The following FNBP4 variants were observed in gnomAD, a reference collection of about 807,000 sequenced individuals.
The protein encoded by FNBP4 is formin binding protein 4.
In FNBP4, 34 loss-of-function variants were observed where a neutral mutation model predicts 119.3. The ratio of observed to expected loss-of-function variants is 0.28; its 90% CI spans 0.22 to 0.38. The LOEUF is 0.38. Among genes scored for constraint, FNBP4 ranks in the 10% least tolerant of loss-of-function variants. The probability of loss-of-function intolerance (pLI) is 1.00; values close to 1 mark genes in which losing one functional copy is unlikely to be tolerated. For missense variants in FNBP4, 1,112 were observed against 1,228.9 expected (o/e 0.90, Z 1.42); for synonymous variants, 462 against 430.6 (o/e 1.07, Z -0.90).
At chr11:47,721,244 T>C (rs1020787919) in intron 15 of FNBP4, among the ~76,000 whole-genome samples, 6 of 150,372 alleles carry the variant, frequency 4.0e-5, no homozygotes, top group African/African-American at 1.5e-4. Context: ...AGAGCAAGAC[T>C]CCATCTCAAA....
At chr11:47,746,516 C>A (rs570126134) in intron 6 of FNBP4, 122 bp from the exon 7 acceptor site, 19 of 928,612 alleles carry the variant, frequency 2.0e-5, no homozygotes, top group Non-Finnish European at 2.3e-5. Flanking sequence ...AAGGTAAAAA[C>A]GACTTTTTTT....
chr11:47,750,801 T>C, intron 6 of FNBP4, 115 bp downstream of exon 6: 1 of 1,098,118 alleles, frequency 9.1e-7, no homozygotes, highest in Admixed American at 2.3e-5. Context: ...GTTATGAAAC[T>C]TATCCTATTT....
rs12284196 is a variant in FNBP4 at position 47,748,623 on chromosome 11, C to T, written c.907-2229G>A. ...CTCCTGCACTCAAGCCATCTTCCTG[C>T]CCTGATTAAATTATTATTTTATTAT... On this transcript the variant is annotated intron_variant, in intron 6 of 16. Transcript: ENST00000263773. Among the ~76,000 whole-genome samples the T allele has an allele frequency of 6.8e-3, 1,039 of 151,774 alleles. 15 individuals are homozygous for T. Among genetic ancestry groups the T allele is most frequent in the African/African-American group, 0.023 (961 of 41,412 alleles).
chr11:47,734,285 T>C, intron 9 of FNBP4, 156 bp from the exon 10 acceptor site: 1 of 471,056 alleles, frequency 2.1e-6, no homozygotes, highest in Non-Finnish European at 3.7e-6. Context: ...GAATATAAAA[T>C]TCTAATTTAT....
Position 47,732,463 on chromosome 11 carries a change from G to A in FNBP4, c.1820+74C>T, listed in dbSNP as rs775016210. 120 of 1,597,924 alleles carry A rather than the reference G, an allele frequency of 7.5e-5. No homozygotes were observed. The highest frequency in any genetic ancestry group is 9.9e-5 in the Non-Finnish European group (116 of 1,169,462). Reference sequence around the variant, plus strand: ...CAGTCTCCAGACAGGCTGTCATGTCGTCAGATGGTGGTGATCACAAATCAT... The same window carrying A: ...CAGTCTCCAGACAGGCTGTCATGTCATCAGATGGTGGTGATCACAAATCAT... On this transcript the variant is annotated intron_variant, in intron 11 of 16. Transcript: ENST00000263773. This position sits in a 1 kb window ranked among gnomAD's most constrained non-coding sequence, Gnocchi z 4.2.
chr11:47,749,785 A>C (rs1468603140), intron 6 of FNBP4, among the ~76,000 whole-genome samples: 5 of 152,212 alleles, frequency 3.3e-5, no homozygotes, highest in Non-Finnish European at 7.3e-5. Flanking sequence ...TCACTGGAGC[A>C]TCTCAGATTT....
Position 47,723,248 on chromosome 11 carries a change from G to C in FNBP4, c.2533C>G (p.Pro845Ala). 1 of 1,614,142 alleles carries C rather than the reference G, an allele frequency of 6.2e-7. No individual in the cohort carries two copies. Among genetic ancestry groups the C allele is most frequent in the South Asian group, 1.1e-5 (1 of 91,076 alleles). The change falls in exon 15 of 17, where the codon CCA (proline) becomes GCA (alanine). Residue 845 changes from proline to alanine, a missense_variant. Around this residue, in one of 2 missense-constraint regions of FNBP4, gnomAD observed 826 missense variants for 988.8 expected, o/e 0.84. Transcript: ENST00000263773. The stretch of plus-strand genomic sequence containing the variant: ...GCCTGATGACCCATTCCTGCTGCTG[G>C]AAGGCTAACTGGTATTGTCTGATGT... ...IGHQTIPVSL[P>A]AAGMGHQARG... is the part of the protein sequence containing the mutation.
intron 1 of FNBP4, among the ~76,000 whole-genome samples, chr11:47,766,094 G>A (rs1158472272): frequency 6.6e-6 from 1 of 151,980 alleles, no homozygotes; most frequent in Non-Finnish European, 1.5e-5. Flanking sequence ...CGCCTGTAAT[G>A]ATCGCTTGAG....
intron 11 of FNBP4, chr11:47,731,912 A>T (rs1314131110): frequency 3.0e-6 from 3 of 1,012,414 alleles, no homozygotes; most frequent in African/African-American, 1.7e-5. Context: ...TTTCCCTTCC[A>T]AAGAAGAGAA....
At chr11:47,734,208 T>A in intron 9 of FNBP4, 79 bp from the exon 10 acceptor site, 4 of 738,970 alleles carry the variant, frequency 5.4e-6, no homozygotes, top group Non-Finnish European at 8.4e-6. Context: ...CATTTATTCT[T>A]ATAGATATTA....
intron 2 of FNBP4, among the ~76,000 whole-genome samples, chr11:47,763,862 TCTTA>T (rs2097641310): frequency 6.6e-6 from 1 of 152,150 alleles, no homozygotes; most frequent in African/African-American, 2.4e-5. Flanking sequence ...ACCTCAACAT[TCTTA>T]CTTACCTTTG....
intron 15 of FNBP4, among the ~76,000 whole-genome samples, chr11:47,721,628 C>T (rs1349282277): frequency 6.6e-6 from 1 of 151,810 alleles, no homozygotes; most frequent in Admixed American, 6.6e-5. Flanking sequence ...ATCAATGATA[C>T]AGTTAGTTCT....
rs751361052 is a variant in FNBP4 at position 47,723,049 on chromosome 11, G to C, written c.2732C>G (p.Pro911Arg). 1 of 1,587,828 alleles carries C rather than the reference G, an allele frequency of 6.3e-7. No individual in the cohort carries two copies. Residue 911 changes from proline to arginine, a missense_variant, in exon 15 of 17, where the codon CCT (proline) becomes CGT (arginine). Pro to Arg is a moderately radical substitution (Grantham distance 103). Coordinates refer to ENST00000263773, the MANE Select transcript of FNBP4 (RefSeq NM_015308.5). Reference sequence around the variant, plus strand: ...AGCTGGTGGTGGTGGAGGAGGAGGAGGAGGAGGTGGTGGTGGTGGTTCTAT... The same window carrying C: ...AGCTGGTGGTGGTGGAGGAGGAGGACGAGGAGGTGGTGGTGGTGGTTCTAT... ...TIIEPPPPPPPPPPPPPPAPK... is the reference protein window; with the variant it reads ...TIIEPPPPPPRPPPPPPPAPK...
At chr11:47,738,721 C>A (rs991030928) in intron 8 of FNBP4, among the ~76,000 whole-genome samples, 1 of 151,712 alleles carries the variant, frequency 6.6e-6, no homozygotes. Context: ...ATCTTTGTCG[C>A]CCAGGCTGGA....
intron 6 of FNBP4, among the ~76,000 whole-genome samples, chr11:47,747,090 T>C (rs2097591968): frequency 6.6e-6 from 1 of 151,772 alleles, no homozygotes; most frequent in Admixed American, 6.6e-5. Flanking sequence ...GGAGTGCAAT[T>C]GCGTGATCTC....
intron 6 of FNBP4, among the ~76,000 whole-genome samples, chr11:47,747,067 ACT>A (rs887531278): frequency 6.0e-5 from 9 of 151,084 alleles, no homozygotes; most frequent in African/African-American, 2.2e-4. Context: ...AGAGAGTCTC[ACT>A]CTGTTGCCCA....
chr11:47,737,396 C>T (rs1042017041), intron 8 of FNBP4, among the ~76,000 whole-genome samples: 1 of 152,026 alleles, frequency 6.6e-6, no homozygotes, highest in Admixed American at 6.6e-5. Context: ...TGTAAGAATT[C>T]TTTAACAAGT....
intron 8 of FNBP4, among the ~76,000 whole-genome samples, chr11:47,740,153 G>A (rs1012801284): frequency 4.0e-5 from 6 of 151,774 alleles, no homozygotes; most frequent in Non-Finnish European, 5.9e-5. Context: ...AGTGTCTCAC[G>A]CCTGTAATCC....
intron 16 of FNBP4, among the ~76,000 whole-genome samples, chr11:47,718,642 G>A (rs1290087497): frequency 6.6e-6 from 1 of 152,150 alleles, no homozygotes; most frequent in Non-Finnish European, 1.5e-5. Flanking sequence ...ACCTATCAGA[G>A]ATTAATTTGA....
Sources: gnomAD v4.1 joint callset for allele counts (sites outside exome capture counted in the v4.1 genomes callset) on GRCh38, gnomAD v4.1.1 for gene constraint, gnomAD v4.1.1 regional missense constraint, Gnocchi (gnomAD v3.1) non-coding constraint, MANE v1.5 for transcripts, NCBI Gene and HGNC (gene_info 2026-07-23, HGNC 2026-07-21) for gene names.